Variants in PTCD1 observed in about 807,000 individuals in gnomAD.
PTCD1 encodes the protein pentatricopeptide repeat-containing protein 1, mitochondrial.
Under a neutral mutation model 53.4 loss-of-function variants are expected in PTCD1, and 50 were observed. That is an observed-to-expected ratio of 0.94 (90% CI 0.75 to 1.19). The LOEUF (loss-of-function observed/expected upper bound fraction) is 1.19, where lower values mean the gene tolerates loss of function less well. Ranked by LOEUF, PTCD1 falls within the 50% of genes most tolerant of loss-of-function variation. The pLI is 0.00. For missense variants in PTCD1, 918 were observed against 904.8 expected, an observed-to-expected ratio of 1.01 and a Z score of -0.19; for synonymous variants, 413 against 394.8, an observed-to-expected ratio of 1.05 and a Z score of -0.55.
chr7:99,438,795 AT>A lies in PTCD1; in HGVS notation c.-131del, dbSNP rs1562850484. The A allele has an allele frequency of 7.2e-7, 1 of 1,393,314 alleles. No individual in the cohort carries two copies. Among genetic ancestry groups the A allele is most frequent in the East Asian group, 3.7e-5 (1 of 27,362 alleles). The allele number at this position is 1,393,314 out of a possible 1,614,324, so 86.3% of individuals were successfully genotyped here. ...CCCTCTCCCCAAGCGCGCAGGCGCA[AT>A]CCGCGTCGCCGACTCACGCGGCTGG... On this transcript the variant is annotated 5_prime_UTR_variant, in exon 1 of 8. Transcript: ENST00000292478.
rs1163162048 is a variant in PTCD1, at chr7:99,424,885, C to A, written c.1647G>T (p.Arg549Ser). The A allele has an allele frequency of 1.2e-6, 2 of 1,614,128 alleles. No homozygotes were observed. Among genetic ancestry groups the A allele is most frequent in the African/African-American group, 2.7e-5 (2 of 74,942 alleles). Residue 549 changes from arginine to serine, a missense_variant, in exon 6 of 8, where the codon AGG (arginine) becomes AGT (serine). Physicochemically the swap from Arg to Ser is moderately radical, Grantham distance 110 (BLOSUM62 -1). Coordinates refer to ENST00000292478, the MANE Select transcript of PTCD1 (RefSeq NM_015545.4). ...AKALLPVLAK[R>S]GLVPNLQTFC... The stretch of plus-strand genomic sequence containing the variant: ...ATGTCTGCAGGTTGGGGACGAGGCC[C>A]CTCTTTGCCAGGACCGGCAACAGCG...
chr7:99,419,686 G>A lies in PTCD1; in HGVS notation c.*281C>T. On this transcript the variant is annotated 3_prime_UTR_variant, in exon 8 of 8. Coordinates refer to ENST00000292478, the MANE Select transcript of PTCD1 (RefSeq NM_015545.4). The stretch of plus-strand genomic sequence containing the variant: ...GGGGCGGCCCAGGCCCCAGGGACCA[G>A]ATGCCCCAGCCCCCTTGTGGTGTGT... 1 of 693,470 alleles carries A rather than the reference G, an allele frequency of 1.4e-6. No homozygotes were observed. Among genetic ancestry groups the A allele is most frequent in the South Asian group, 1.9e-5 (1 of 52,358 alleles). The allele number at this position is 693,470 out of a possible 1,614,324, so 43.0% of individuals were successfully genotyped here.
In PTCD1 at chr7:99,425,163, T is replaced by C. The variant is rs750945895; in HGVS notation, c.1369A>G (p.Thr457Ala). The C allele has an allele frequency of 1.7e-5, 28 of 1,613,956 alleles. No individual in the cohort carries two copies. Among genetic ancestry groups the C allele is most frequent in the Non-Finnish European group, 2.1e-5 (25 of 1,179,932 alleles). ...AGCCGGTCAGCTGGGGTGGTCACCGTTCCAAAGGAGACCACTGTAGGGGGA... is the reference window on the plus strand; with the variant it reads ...AGCCGGTCAGCTGGGGTGGTCACCGCTCCAAAGGAGACCACTGTAGGGGGA... ...AVPPTVVSFG[T>A]VTTPADRLAL... Residue 457 changes from threonine (T) to alanine (A), a missense_variant, in exon 6 of 8, where the codon ACG (threonine) becomes GCG (alanine). Transcript: ENST00000292478.
At chr7:99,429,896 G>T in intron 3 of PTCD1, 90 bp from the exon 4 acceptor site, 1 of 1,515,692 alleles carries the variant, frequency 6.6e-7, no homozygotes, top group Non-Finnish European at 9.0e-7. Context: ...GGCTGGAGAG[G>T]ACCCCGTCAC....
intron 6 of PTCD1, among the ~76,000 whole-genome samples, chr7:99,424,520 C>T (rs1169246494): frequency 6.6e-6 from 1 of 152,164 alleles, no homozygotes; most frequent in Non-Finnish European, 1.5e-5. Flanking sequence ...AGTGTTGGGG[C>T]CGAGGCCTGT....
At chr7:99,423,374 G>A (rs1795900656) in intron 7 of PTCD1, among the ~76,000 whole-genome samples, 1 of 152,172 alleles carries the variant, frequency 6.6e-6, no homozygotes, top group South Asian at 2.1e-4. Flanking sequence ...GGAACAGAGT[G>A]GGAAGGGGGA....
At chr7:99,423,718 G>T (rs1795913607) in intron 7 of PTCD1, 57 bp downstream of exon 7, 1 of 1,611,222 alleles carries the variant, frequency 6.2e-7, no homozygotes, top group Admixed American at 1.7e-5. Flanking sequence ...TGGGTGGTGG[G>T]GGGAGGGGGT....
intron 5 of PTCD1, among the ~76,000 whole-genome samples, chr7:99,427,064 CA>C (rs1406864723): frequency 6.6e-6 from 1 of 151,804 alleles, no homozygotes; most frequent in Admixed American, 6.6e-5. Flanking sequence ...GCCCGGCAGC[CA>C]CCCCGTCCGG....
chr7:99,431,841 A>G (rs1796265122), intron 3 of PTCD1, among the ~76,000 whole-genome samples: 1 of 152,236 alleles, frequency 6.6e-6, no homozygotes, highest in South Asian at 2.1e-4. Flanking sequence ...TTCTGTACTA[A>G]GAGAAATTCT....
At chr7:99,428,442 A>G (rs996501229) in intron 5 of PTCD1, among the ~76,000 whole-genome samples, 1 of 151,270 alleles carries the variant, frequency 6.6e-6, no homozygotes, top group Non-Finnish European at 1.5e-5. Flanking sequence ...AAAAAGAAAA[A>G]GAAAAAAAAA....
At chr7:99,435,646 AAAAG>A (rs1356738351) in intron 1 of PTCD1, among the ~76,000 whole-genome samples, 2 of 138,832 alleles carry the variant, frequency 1.4e-5, no homozygotes, top group Admixed American at 1.5e-4. Flanking sequence ...CTCGAAAAAA[AAAAG>A]AAAAGAAAGA....
chr7:99,425,643 T>G, intron 5 of PTCD1, 27 bp from the exon 6 acceptor site: 1 of 1,593,344 alleles, frequency 6.3e-7, no homozygotes. Context: ...AAACGTCAGC[T>G]GGGTGCTCCC....
intron 1 of PTCD1, among the ~76,000 whole-genome samples, chr7:99,436,593 C>T (rs1379706364): frequency 2.6e-5 from 4 of 151,986 alleles, no homozygotes; most frequent in African/African-American, 4.8e-5. Flanking sequence ...CCAGCCTGAG[C>T]GACAGAGCAA....
chr7:99,424,678 C>G lies in PTCD1; in HGVS notation c.1737+117G>C, dbSNP rs1795948886. The G allele has an allele frequency of 2.9e-6, 4 of 1,373,930 alleles. No homozygotes were observed. The Admixed American group carries it at 8.3e-5, about 29-fold the overall frequency. The allele number at this position is 1,373,930 out of a possible 1,614,324, so 85.1% of individuals were successfully genotyped here. A position where few individuals can be genotyped will look rare whatever the true frequency, so the allele number is the denominator to read the frequency against. On this transcript the variant is annotated intron_variant, in intron 6 of 7. Transcript: ENST00000292478. ...GGTCATTGACCCCACTCTCTTTGCCCCATGCACAGTTCATCCTCTCCAGGT... is the reference window on the plus strand; with the variant it reads ...GGTCATTGACCCCACTCTCTTTGCCGCATGCACAGTTCATCCTCTCCAGGT...
At chr7:99,438,607 C>T (rs1427420031) in intron 1 of PTCD1, 85 bp downstream of exon 1, 2 of 1,156,652 alleles carry the variant, frequency 1.7e-6, no homozygotes, top group African/African-American at 1.7e-5. Flanking sequence ...CCCCCGGCTC[C>T]AATCCCGGCT....
chr7:99,424,987 C>CTGG lies in PTCD1; in HGVS notation c.1542_1544dup (p.His514dup). Reference sequence around the variant, plus strand: ...TAAAGAATGTCAGGTCGGCCTCTACCTGGTGCTCATCCAGGAGGGCCAGCA... The same window carrying CTGG: ...TAAAGAATGTCAGGTCGGCCTCTACCTGGTGGTGCTCATCCAGGAGGGCCAGCA... On this transcript the variant is annotated inframe_insertion, in exon 6 of 8. Transcript: ENST00000292478. The CTGG allele has an allele frequency of 6.2e-7, 1 of 1,614,256 alleles. No individual in the cohort carries two copies. Among genetic ancestry groups the CTGG allele is most frequent in the South Asian group, 1.1e-5 (1 of 91,088 alleles).
intron 7 of PTCD1, 113 bp from the exon 8 acceptor site, chr7:99,420,262 G>A: frequency 6.7e-7 from 1 of 1,485,418 alleles, no homozygotes; most frequent in Non-Finnish European, 9.3e-7. Flanking sequence ...TCCCTTCCAG[G>A]TGGCTGCAGA....
intron 3 of PTCD1, chr7:99,433,040 G>GT (rs1315465198): frequency 5.8e-3 from 3,369 of 583,266 alleles, no homozygotes; most frequent in Non-Finnish European, 6.9e-3. Flanking sequence ...GGCTCCCTCT[G>GT]TTTTTTTTTG....
rs1795507859 is a variant in PTCD1 at position 99,416,896 on chromosome 7, T to C, written c.*3071A>G. On this transcript the variant is annotated 3_prime_UTR_variant, in exon 8 of 8. Coordinates refer to ENST00000292478, the MANE Select transcript of PTCD1 (RefSeq NM_015545.4). ...CCACCACACCCAGCTAATTTTTAAATTTTTTGTGGAGATGGGCCCTTGGCC... is the reference window on the plus strand; with the variant it reads ...CCACCACACCCAGCTAATTTTTAAACTTTTTGTGGAGATGGGCCCTTGGCC... 1 of 162,568 alleles carries C rather than the reference T, an allele frequency of 6.2e-6. No homozygotes were observed. Among genetic ancestry groups the C allele is most frequent in the South Asian group, 1.6e-4 (1 of 6,394 alleles). 10.1% of individuals were successfully genotyped at this position (162,568 alleles called of 1,614,324 possible).
Sources: gnomAD v4.1 joint callset for allele counts (sites outside exome capture counted in the v4.1 genomes callset) on GRCh38, gnomAD v4.1.1 for gene constraint, MANE v1.5 for transcripts, NCBI Gene and HGNC (gene_info 2026-07-23, HGNC 2026-07-21) for gene names.